Variants in SNX10 observed in about 807,000 individuals in gnomAD.
SNX10 encodes the protein sorting nexin-10.
A neutral mutation model predicts 28.5 loss-of-function variants in SNX10; 25 were observed. The observed-to-expected ratio is 0.88, with a 90% CI of 0.64 to 1.22. The LOEUF (loss-of-function observed/expected upper bound fraction) is 1.22. Ranked by LOEUF, SNX10 falls within the 50% of genes most tolerant of loss-of-function variation. The probability of loss-of-function intolerance (pLI) is 0.00; values close to 1 mark genes in which losing one functional copy is unlikely to be tolerated. For missense variants in SNX10, 223 were observed against 242.6 expected (o/e 0.92, Z 0.54); for synonymous variants, 62 against 81.4 (o/e 0.76, Z 1.28).
chr7:26,354,709 T>G (rs1240195039), intron 2 of SNX10, among the ~76,000 whole-genome samples: 2 of 152,006 alleles, frequency 1.3e-5, no homozygotes, highest in African/African-American at 2.4e-5. Flanking sequence ...TAAAATATAT[T>G]CTAGATGCAA....
chr7:26,324,130 A>G (rs544002533), intron 1 of SNX10, among the ~76,000 whole-genome samples: 2 of 152,202 alleles, frequency 1.3e-5, no homozygotes, highest in Non-Finnish European at 2.9e-5. Flanking sequence ...GCTCAACAAT[A>G]CAGGTAACAT....
chr7:26,304,034 T>A (rs1255860182), intron 1 of SNX10, among the ~76,000 whole-genome samples: 1 of 152,198 alleles, frequency 6.6e-6, no homozygotes, highest in South Asian at 2.1e-4. Context: ...GCCTAACACT[T>A]ACATAGTTTG....
chr7:26,340,174 A>C (rs1201742358), intron 1 of SNX10, among the ~76,000 whole-genome samples: 1 of 152,318 alleles, frequency 6.6e-6, no homozygotes, highest in East Asian at 1.9e-4. Flanking sequence ...CTAGCATTGC[A>C]AATGTTTTGG....
In SNX10 at chr7:26,292,057, C is replaced by CCTGCT. The variant is rs1176057502; in HGVS notation, c.-49_-45dup. The CCTGCT allele has an allele frequency of 5.9e-5, 9 of 152,796 alleles. No individual in the cohort carries two copies. Among genetic ancestry groups the CCTGCT allele is most frequent in the Admixed American group, 6.5e-5 (1 of 15,270 alleles). 9.5% of individuals were successfully genotyped at this position (152,796 alleles called of 1,614,324 possible). A position where few individuals can be genotyped will look rare whatever the true frequency, so the allele number is the denominator to read the frequency against. On this transcript the variant is annotated 5_prime_UTR_variant, in exon 1 of 7. Coordinates refer to ENST00000338523, the MANE Select transcript of SNX10 (RefSeq NM_013322.3). Reference sequence around the variant, plus strand: ...GCCCGCAAGCCCGGCTCGGCCCGGCCCTGCTCTGTTCTGCCCGGAGGAGCC... The same window carrying CCTGCT: ...GCCCGCAAGCCCGGCTCGGCCCGGCCCTGCTCTGCTCTGTTCTGCCCGGAGGAGCC...
At chr7:26,306,519 C>T (rs1265689924) in intron 1 of SNX10, among the ~76,000 whole-genome samples, 4 of 151,788 alleles carry the variant, frequency 2.6e-5, no homozygotes, top group African/African-American at 9.7e-5. Context: ...GATCTCTTAC[C>T]TCAGCCTCCT....
At chr7:26,354,238 T>C (rs745414087) in intron 2 of SNX10, 8 of 152,384 alleles carry the variant, frequency 5.2e-5, no homozygotes, top group East Asian at 3.9e-4. Flanking sequence ...TGGTTAACGA[T>C]GTCGAACATC....
intron 1 of SNX10, among the ~76,000 whole-genome samples, chr7:26,301,337 C>T (rs1786356859): frequency 6.6e-6 from 1 of 152,122 alleles, no homozygotes; most frequent in South Asian, 2.1e-4. Flanking sequence ...TTTTTCTTTT[C>T]CCTATGTGGT....
intron 2 of SNX10, among the ~76,000 whole-genome samples, chr7:26,348,126 A>G (rs1350808078): frequency 1.3e-5 from 2 of 152,152 alleles, no homozygotes; most frequent in Non-Finnish European, 2.9e-5. Context: ...AGATCAAAGT[A>G]TAGATGTTTC....
intron 1 of SNX10, among the ~76,000 whole-genome samples, chr7:26,331,218 C>T (rs1787735667): frequency 6.6e-6 from 1 of 151,494 alleles, no homozygotes. Flanking sequence ...GGTTAGGCTT[C>T]GGGTTTCAGG....
intron 1 of SNX10, among the ~76,000 whole-genome samples, chr7:26,311,967 C>CAGTGATTTTACT (rs1229381822): frequency 1.1e-4 from 16 of 152,018 alleles, no homozygotes; most frequent in African/African-American, 3.9e-4. Flanking sequence ...TGGCTTTGGG[C>CAGTGATTTTACT]AGTGATTTAA....
In SNX10 at chr7:26,353,437, CTTTTTTTTTTTT is replaced by C. The variant is rs11386172; in HGVS notation, c.24+6983_24+6994del. On this transcript the variant is annotated intron_variant, in intron 2 of 6. Transcript: ENST00000338523. ...CTGGTGATTAACACACTGGTAAATG[CTTTTTTTTTTTT>C]TTTTTTTTTTTGGTGGGGAGACAGA... Among the ~76,000 whole-genome samples, 6 of 74,372 alleles carry C rather than the reference CTTTTTTTTTTTT, an allele frequency of 8.1e-5. No individual in the cohort carries two copies. In the East Asian group the frequency reaches 2.6e-3, roughly 32 times the overall value. The allele number at this position is 74,372 out of a possible 152,430, so 48.8% of individuals were successfully genotyped here.
intron 1 of SNX10, among the ~76,000 whole-genome samples, chr7:26,298,229 G>T (rs1368598325): frequency 6.6e-6 from 1 of 152,018 alleles, no homozygotes; most frequent in Non-Finnish European, 1.5e-5. Flanking sequence ...TCAAAAAAAA[G>T]GGCAGATGAC....
intron 2 of SNX10, among the ~76,000 whole-genome samples, chr7:26,355,985 T>C (rs1288439762): frequency 6.6e-6 from 1 of 152,176 alleles, no homozygotes; most frequent in Non-Finnish European, 1.5e-5. Flanking sequence ...AACGGTATAA[T>C]GCCTGCCACA....
chr7:26,338,656 G>A (rs1446200114), intron 1 of SNX10, among the ~76,000 whole-genome samples: 1 of 152,098 alleles, frequency 6.6e-6, no homozygotes, highest in Non-Finnish European at 1.5e-5. Context: ...CGCCCACCTC[G>A]GCCTCCCAAA....
chr7:26,359,668 A>AT (rs537061600), intron 2 of SNX10, among the ~76,000 whole-genome samples: 25,900 of 146,922 alleles, frequency 0.18, 2,406 homozygotes, highest in South Asian at 0.36. Context: ...TATTGTTTTA[A>AT]TTTTTTTTTT....
chr7:26,318,114 A>G (rs890034580), intron 1 of SNX10, among the ~76,000 whole-genome samples: 1 of 152,208 alleles, frequency 6.6e-6, no homozygotes, highest in African/African-American at 2.4e-5. Flanking sequence ...TAAGACGCAA[A>G]TGTTAGATCA....
intron 1 of SNX10, chr7:26,293,265 A>G (rs768472194): frequency 4.6e-5 from 7 of 152,158 alleles, no homozygotes; most frequent in African/African-American, 9.7e-5. Context: ...CAGTGGTGCG[A>G]TCTTGGCTCA....
chr7:26,338,290 T>C (rs896436208), intron 1 of SNX10, among the ~76,000 whole-genome samples: 3 of 151,364 alleles, frequency 2.0e-5, no homozygotes, highest in African/African-American at 7.3e-5. Flanking sequence ...CTAATTTTTG[T>C]GTATTTTGTA....
At chr7:26,294,527 TTG>T (rs1786038156) in intron 1 of SNX10, among the ~76,000 whole-genome samples, 1 of 152,296 alleles carries the variant, frequency 6.6e-6, no homozygotes, top group African/African-American at 2.4e-5. Context: ...GGGCCAGGCA[TTG>T]TGAAAGAGTT....
Sources: gnomAD v4.1 joint callset for allele counts (sites outside exome capture counted in the v4.1 genomes callset) on GRCh38, gnomAD v4.1.1 for gene constraint, MANE v1.5 for transcripts, NCBI Gene and HGNC (gene_info 2026-07-23, HGNC 2026-07-21) for gene names.